Variants in SNRNP70 observed in about 807,000 individuals in gnomAD.
The protein encoded by SNRNP70 is U1 small nuclear ribonucleoprotein 70 kDa.
SNRNP70 carries 8 observed loss-of-function variants against 50.5 expected under a neutral mutation model. The observed-to-expected ratio is 0.16, with a 90% CI of 0.09 to 0.29. SNRNP70 has a LOEUF of 0.29. Ranked by LOEUF, SNRNP70 falls within the 10% of genes least tolerant of loss-of-function variation. The pLI is 1.00. For missense variants in SNRNP70, 529 were observed against 663.5 expected (o/e 0.80, Z 2.23); for synonymous variants, 320 against 252.9 (o/e 1.27, Z -2.52).
In SNRNP70 at chr19:49,108,477, G is replaced by A. The variant is rs1360599214; in HGVS notation, c.*34G>A. 3.2e-6 allele frequency: 5 copies of A among 1,557,952 alleles called. No homozygotes were observed. Among genetic ancestry groups the A allele is most frequent in the African/African-American group, 1.4e-5 (1 of 73,460 alleles). ...TCCTCTCCATCTGCTGTGTTTGGAC[G>A]CGTTCCTGCCCAGCCCCTTGCTGTC... On this transcript the variant is annotated 3_prime_UTR_variant, in exon 10 of 10. Transcript: ENST00000598441.
At chr19:49,092,638 A>G (rs928963966) in intron 4 of SNRNP70, among the ~76,000 whole-genome samples, 1 of 144,576 alleles carries the variant, frequency 6.9e-6, no homozygotes. Flanking sequence ...CGAACTCCTG[A>G]CCTCAGGTGA....
At chr19:49,093,405 G>A (rs937362049) in intron 4 of SNRNP70, among the ~76,000 whole-genome samples, 6 of 152,026 alleles carry the variant, frequency 3.9e-5, no homozygotes, top group Non-Finnish European at 7.4e-5. Context: ...TTTTAAAAAC[G>A]GTTCCACCCG....
At chr19:49,100,530 G>C (rs1175916248) in intron 6 of SNRNP70, among the ~76,000 whole-genome samples, 1 of 152,158 alleles carries the variant, frequency 6.6e-6, no homozygotes, top group African/African-American at 2.4e-5. Flanking sequence ...TCCTTGGCCA[G>C]GCACAGTGGC....
Position 49,107,927 on chromosome 19 carries a change from A to ACGGAGTCGCGACAAGGAGGAG in SNRNP70, c.804_824dup (p.Ser268_Arg274dup), listed in dbSNP as rs748600998. ...GCTCCCGGGACCGGCGGAGGCGCTC[A>ACGGAGTCGCGACAAGGAGGAG]CGGAGTCGCGACAAGGAGGAGCGGA... On this transcript the variant is annotated inframe_insertion, in exon 10 of 10. Transcript: ENST00000598441. The surrounding 1 kb of genome is among the most constrained non-coding windows in gnomAD (Gnocchi z 6.0). 3.9e-6 allele frequency: 6 copies of ACGGAGTCGCGACAAGGAGGAG among 1,546,612 alleles called. No individual in the cohort carries two copies. The highest frequency in any genetic ancestry group is 2.4e-5 in the South Asian group (2 of 83,998).
chr19:49,085,841 G>A lies in SNRNP70; in HGVS notation c.-11+205G>A, dbSNP rs536166510. 3.9e-5 allele frequency among the ~76,000 whole-genome samples: 6 copies of A among 152,290 alleles called. No homozygotes were observed. The East Asian group carries it at 1.2e-3, about 29-fold the overall frequency. ...CGCCCTCGTGGTTCCCTACCCACAG[G>A]CCCTTGCGGTGTGTGGCCTTTTTTC... On this transcript the variant is annotated intron_variant, in intron 1 of 9. Coordinates refer to ENST00000598441, the MANE Select transcript of SNRNP70 (RefSeq NM_003089.6).
At chr19:49,093,347 A>C (rs1354978646) in intron 4 of SNRNP70, among the ~76,000 whole-genome samples, 1 of 151,828 alleles carries the variant, frequency 6.6e-6, no homozygotes, top group Non-Finnish European at 1.5e-5. Flanking sequence ...CGGTCTCCCA[A>C]AGTGCTGGGA....
At chr19:49,092,173 A>G (rs756514871) in intron 4 of SNRNP70, among the ~76,000 whole-genome samples, 2 of 152,100 alleles carry the variant, frequency 1.3e-5, no homozygotes, top group African/African-American at 4.8e-5. Flanking sequence ...CAGTGGTGCA[A>G]TCTTGGCTCA....
At chr19:49,086,694 T>A (rs2040384640) in intron 2 of SNRNP70, 133 bp downstream of exon 2, 3 of 849,322 alleles carry the variant, frequency 3.5e-6, no homozygotes, top group Admixed American at 2.1e-5. Flanking sequence ...ATCCTCAGTT[T>A]CTCTGTTTTA....
intron 8 of SNRNP70, among the ~76,000 whole-genome samples, chr19:49,106,346 G>C (rs1198423015): frequency 6.6e-6 from 1 of 152,210 alleles, no homozygotes; most frequent in Non-Finnish European, 1.5e-5. Flanking sequence ...TGCACCCGCA[G>C]AAATACTGTA....
rs766839153 is a variant in SNRNP70, at chr19:49,107,799, G to A, written c.670G>A (p.Gly224Ser). 4 of 1,605,796 alleles carry A rather than the reference G, an allele frequency of 2.5e-6. No individual in the cohort carries two copies. The highest frequency in any genetic ancestry group is 2.2e-5 in the East Asian group (1 of 44,580). ...DDTSRYDERP[G>S]PSPLPHRDRD... ...AGGTCTGCCCACCTCATCCAGGCCC[G>A]GCCCCTCCCCGCTTCCGCACAGGGA... Residue 224 changes from glycine to serine, a missense_variant, in exon 10 of 10, where the codon GGC (glycine) becomes AGC (serine). By Grantham distance (56) the Gly-to-Ser change is moderately conservative (BLOSUM62 0). Transcript: ENST00000598441. This position sits in a 1 kb window ranked among gnomAD's most constrained non-coding sequence, Gnocchi z 6.0.
intron 7 of SNRNP70, chr19:49,102,439 C>T (rs1237731038): frequency 7.0e-6 from 2 of 283,862 alleles, no homozygotes; most frequent in African/African-American, 2.2e-5. Context: ...TGGGTTCCAC[C>T]CAGCCTCTGA....
At chr19:49,089,267 G>A (rs896326510) in intron 2 of SNRNP70, among the ~76,000 whole-genome samples, 2 of 152,136 alleles carry the variant, frequency 1.3e-5, no homozygotes, top group Non-Finnish European at 2.9e-5. Flanking sequence ...ACATGCTGTC[G>A]TGTGCCTGTA....
At chr19:49,101,616 CTT>C (rs1224585730) in intron 7 of SNRNP70, 145 bp downstream of exon 7, 216 of 498,978 alleles carry the variant, frequency 4.3e-4, no homozygotes, top group Non-Finnish European at 4.9e-4. Context: ...TCTGATGTAT[CTT>C]TTTTTTTTTT....
intron 4 of SNRNP70, among the ~76,000 whole-genome samples, chr19:49,097,907 TG>T (rs2040532991): frequency 6.6e-6 from 1 of 152,172 alleles, no homozygotes; most frequent in African/African-American, 2.4e-5. Flanking sequence ...GCTTACTTAG[TG>T]TTTGCTTTCC....
chr19:49,085,452 G>A lies in SNRNP70; in HGVS notation c.-195G>A, dbSNP rs1481778841. On this transcript the variant is annotated 5_prime_UTR_variant, in exon 1 of 10. Coordinates refer to ENST00000598441, the MANE Select transcript of SNRNP70 (RefSeq NM_003089.6). Reference sequence around the variant, plus strand: ...CGGCCGGGACCCACCCCCTGCTCCAGTCGCTATCGGAGGCCGCGCGGGTGG... The same window carrying A: ...CGGCCGGGACCCACCCCCTGCTCCAATCGCTATCGGAGGCCGCGCGGGTGG... 7.1e-6 allele frequency: 3 copies of A among 421,114 alleles called. No individual in the cohort carries two copies. The highest frequency in any genetic ancestry group is 9.6e-6 in the Non-Finnish European group (2 of 207,780). The allele number at this position is 421,114 out of a possible 1,614,324, so 26.1% of individuals were successfully genotyped here.
chr19:49,104,702 C>G lies in SNRNP70; in HGVS notation c.544C>G (p.Arg182Gly). The change falls in exon 8 of 10, where the codon CGA (arginine) becomes GGA (glycine). Residue 182 changes from arginine to glycine, a missense_variant. By Grantham distance (125) the Arg-to-Gly change is moderately radical. Around this residue, in one of 4 missense-constraint regions of SNRNP70, gnomAD observed 149 missense variants for 259.7 expected, o/e 0.57. Coordinates refer to ENST00000598441, the MANE Select transcript of SNRNP70 (RefSeq NM_003089.6). The surrounding 1 kb of genome is among the most constrained non-coding windows in gnomAD (Gnocchi z 5.4). ...GGTCCTTGTGGACGTGGAGAGGGGC[C>G]GAACCGTGAAGGGCTGGAGGCCCCG... ...RRVLVDVERGRTVKGWRPRRL... is the reference protein window; with the variant it reads ...RRVLVDVERGGTVKGWRPRRL... 6.4e-7 allele frequency: 1 copy of G among 1,558,544 alleles called. No individual in the cohort carries two copies. The highest frequency in any genetic ancestry group is 8.7e-7 in the Non-Finnish European group (1 of 1,151,100).
At chr19:49,091,498 C>T (rs192071276) in intron 4 of SNRNP70, among the ~76,000 whole-genome samples, 2 of 152,246 alleles carry the variant, frequency 1.3e-5, no homozygotes, top group Admixed American at 1.3e-4. Context: ...CACGCTTGGC[C>T]TCGGAGCAGT....
Position 49,086,460 on chromosome 19 carries a change from C to G in SNRNP70, c.46C>G (p.Arg16Gly). Residue 16 changes from arginine to glycine, a missense_variant, in exon 2 of 10, where the codon CGT (arginine) becomes GGT (glycine). Coordinates refer to ENST00000598441, the MANE Select transcript of SNRNP70 (RefSeq NM_003089.6). The part of the protein sequence containing the change: ...PPNLLALFAP[R>G]DPIPYLPPLE... ...CAACCTTCTGGCCCTCTTTGCCCCC[C>G]GTGACCCTATTCCATACCTGCCACC... The G allele has an allele frequency of 6.2e-7, 1 of 1,614,106 alleles. No individual in the cohort carries two copies. Among genetic ancestry groups the G allele is most frequent in the Non-Finnish European group, 8.5e-7 (1 of 1,180,020 alleles).
Position 49,108,273 on chromosome 19 carries a change from G to C in SNRNP70, c.1144G>C (p.Glu382Gln). The change falls in exon 10 of 10, where the codon GAG (glutamate) becomes CAG (glutamine). Residue 382 changes from glutamate (E) to glutamine (Q), a missense_variant. Coordinates refer to ENST00000598441, the MANE Select transcript of SNRNP70 (RefSeq NM_003089.6). ...CCGTGACCGCGAGCACAAACGGGGG[G>C]AGCGGGGCAGTGAGCGGGGCAGGGA... ...RDRDREHKRG[E>Q]RGSERGRDEA... 6.4e-7 allele frequency: 1 copy of C among 1,558,778 alleles called. No individual in the cohort carries two copies. Among genetic ancestry groups the C allele is most frequent in the Non-Finnish European group, 8.7e-7 (1 of 1,152,118 alleles).
Sources: allele counts gnomAD v4.1 joint callset (sites outside exome capture counted in the v4.1 genomes callset), GRCh38; gene constraint gnomAD v4.1.1; regional missense constraint gnomAD v4.1.1; non-coding constraint Gnocchi (gnomAD v3.1); transcripts MANE v1.5; gene names NCBI Gene and HGNC (gene_info 2026-07-23, HGNC 2026-07-21).